ARL10: variants seen among roughly 807,000 people sequenced by gnomAD.
The protein encoded by ARL10 is ADP-ribosylation factor-like protein 10.
Under a neutral mutation model 26.1 loss-of-function variants are expected in ARL10, and 23 were observed. That is an observed-to-expected ratio of 0.88 (90% CI 0.63 to 1.25). The LOEUF is 1.25. Among genes scored for constraint, ARL10 ranks in the 50% most tolerant of loss-of-function variants. ARL10 has a pLI of 0.00. For synonymous variants in ARL10, 138 were observed against 149.1 expected (o/e 0.93, Z 0.54); for missense variants, 300 against 323.6 (o/e 0.93, Z 0.56).
At chr5:176,369,264 G>T (rs1045003923) in intron 3 of ARL10, 3 of 1,313,886 alleles carry the variant, frequency 2.3e-6, no homozygotes, top group Non-Finnish European at 3.0e-6. Flanking sequence ...ACAGAGTCTT[G>T]TTCTGTCGCC....
Position 176,388,419 on chromosome 5 carries a change from C to A in ARL10, c.161C>A (p.Pro54His), listed in dbSNP as rs769429960. The A allele has an allele frequency of 6.8e-6, 11 of 1,614,012 alleles. No homozygotes were observed. In the South Asian group the frequency reaches 1.2e-4, roughly 18 times the overall value. The change falls in exon 2 of 2, where the codon CCC becomes CAC. Residue 54 changes from proline to histidine, a missense_variant. Transcript: ENST00000503175. ...GCCGAGGCCCACGGCCACCCGGAAC[C>A]CCAGCCCCCTCACCATTCGATCCGC...
downstream of ARL10, chr5:176,406,652 G>A (rs1204967079): frequency 3.1e-6 from 4 of 1,289,234 alleles, no homozygotes; most frequent in African/African-American, 3.0e-5. Context: ...GGGCAGGCTC[G>A]TCCTTAGGCT....
In ARL10 at chr5:176,381,607, T is replaced by C. The variant is rs899662992; in HGVS notation, c.*9712T>C. 1 of 152,206 alleles carries C rather than the reference T, an allele frequency of 6.6e-6. No homozygotes were observed. Among genetic ancestry groups the C allele is most frequent in the Admixed American group, 6.5e-5 (1 of 15,286 alleles). The allele number at this position is 152,206 out of a possible 1,614,324, so 9.4% of individuals were successfully genotyped here. On this transcript the variant is annotated 3_prime_UTR_variant, in exon 4 of 4. Coordinates refer to ENST00000310389, the MANE Select transcript of ARL10 (RefSeq NM_173664.6). ...GTCTGGCGTCTGCCTTCTTTGGACA[T>C]GTTTTGGCAGCCTTCAGCCTATGGT...
the ARL10 span, among the ~76,000 whole-genome samples, chr5:176,413,539 G>C: frequency 1.3e-5 from 2 of 152,210 alleles, no homozygotes; most frequent in Admixed American, 1.3e-4. Flanking sequence ...TTCCCCAGGG[G>C]CAACTGAGCC....
At chr5:176,401,844 G>A in exon 2 of ARL10, 1 of 449,484 alleles carries the variant, frequency 2.2e-6, no homozygotes, top group Admixed American at 2.4e-5. Flanking sequence ...CCCCGTGCAA[G>A]TCATCAGCAG....
At chr5:176,397,088 G>A (rs1411850233) in intron 1 of ARL10, among the ~76,000 whole-genome samples, 2 of 152,108 alleles carry the variant, frequency 1.3e-5, no homozygotes, top group Admixed American at 6.5e-5. Context: ...AGTTGAACAT[G>A]TGTGTTTTTC....
chr5:176,384,650 G>T, downstream of ARL10: 1 of 470,286 alleles, frequency 2.1e-6, no homozygotes, highest in Non-Finnish European at 3.8e-6. Flanking sequence ...CCATCCTGTG[G>T]TCCCAGCTAC....
downstream of ARL10, chr5:176,384,781 C>G (rs2113578575): frequency 2.7e-6 from 1 of 369,862 alleles, no homozygotes; most frequent in Non-Finnish European, 4.8e-6. Context: ...AAAAAAAGAC[C>G]AGGAAGGCCT....
chr5:176,411,388 C>T, the ARL10 span, among the ~76,000 whole-genome samples: 2 of 152,142 alleles, frequency 1.3e-5, no homozygotes, highest in African/African-American at 2.4e-5. Context: ...TGGCCTATAG[C>T]GCCTACTCCT....
chr5:176,401,121 C>T (rs767497056), intron 1 of ARL10, among the ~76,000 whole-genome samples: 21 of 152,204 alleles, frequency 1.4e-4, no homozygotes, highest in Non-Finnish European at 2.6e-4. Flanking sequence ...GGCCCTTCTC[C>T]GGAGAACACA....
At chr5:176,370,641 C>G (rs926697378) in intron 3 of ARL10, among the ~76,000 whole-genome samples, 2 of 152,140 alleles carry the variant, frequency 1.3e-5, no homozygotes, top group African/African-American at 4.8e-5. Flanking sequence ...TCAGATTGCC[C>G]CAGTTTGGAC....
downstream of ARL10, among the ~76,000 whole-genome samples, chr5:176,391,613 G>A (rs74982993): frequency 6.6e-6 from 1 of 151,830 alleles, no homozygotes; most frequent in African/African-American, 2.4e-5. Context: ...CCCTGTTTGA[G>A]AAAAAAAACA....
chr5:176,389,774 C>T, downstream of ARL10: 1 of 318,940 alleles, frequency 3.1e-6, no homozygotes, highest in Non-Finnish European at 5.7e-6. Context: ...CAGTATCATC[C>T]CCATGGTTTT....
chr5:176,397,819 C>G (rs1229616008), intron 1 of ARL10: 2 of 1,464,828 alleles, frequency 1.4e-6, no homozygotes, highest in Admixed American at 1.7e-5. Flanking sequence ...CAGGGCCGCA[C>G]CGGCCCAGTC....
At chr5:176,414,763 T>G in the ARL10 span, among the ~76,000 whole-genome samples, 10 of 152,202 alleles carry the variant, frequency 6.6e-5, no homozygotes, top group Non-Finnish European at 1.0e-4. Context: ...TCAGATTCTC[T>G]GGGCCACCGG....
chr5:176,388,871 C>G (rs779495455), downstream of ARL10: 2 of 1,614,206 alleles, frequency 1.2e-6, no homozygotes, highest in Non-Finnish European at 1.7e-6. Flanking sequence ...ACCATCGAAG[C>G]CTCCAGTCAT....
Position 176,365,608 on chromosome 5 carries a change from C to T in ARL10, c.45C>T (p.Gly15=), listed in dbSNP as rs1451498222. The part of the protein sequence containing the change: ...PLGPLVLALG[G]AAAVLGSVLF... ...GCCCCTTGGTGCTGGCGCTGGGCGG[C>T]GCCGCGGCGGTGCTGGGCTCGGTGC... is the stretch of plus-strand genomic sequence containing the variant. Residue 15 remains glycine (G), a synonymous_variant, in exon 1 of 4, where the codon GGC becomes GGT. Coordinates refer to ENST00000310389, the MANE Select transcript of ARL10 (RefSeq NM_173664.6). The T allele has an allele frequency of 5.6e-6, 7 of 1,256,064 alleles. No individual in the cohort carries two copies. Among genetic ancestry groups the T allele is most frequent in the East Asian group, 3.1e-5 (1 of 31,956 alleles). 77.8% of individuals were successfully genotyped at this position (1,256,064 alleles called of 1,614,324 possible).
At chr5:176,396,099 C>T (rs1196085925) in intron 1 of ARL10, among the ~76,000 whole-genome samples, 5 of 152,158 alleles carry the variant, frequency 3.3e-5, no homozygotes, top group African/African-American at 1.2e-4. Context: ...CGCAGCACTG[C>T]ACTCCATCCT....
chr5:176,365,802 G>A, intron 1 of ARL10, 56 bp downstream of exon 1: 1 of 1,230,332 alleles, frequency 8.1e-7, no homozygotes, highest in Non-Finnish European at 1.0e-6. Flanking sequence ...GCGACTCCGC[G>A]CATGTGGCCA....
Sources: gnomAD v4.1 joint callset for allele counts (sites outside exome capture counted in the v4.1 genomes callset) on GRCh38, gnomAD v4.1.1 for gene constraint, MANE v1.5 for transcripts, NCBI Gene and HGNC (gene_info 2026-07-23, HGNC 2026-07-21) for gene names.